The following SSBP3 variants were observed in gnomAD, a reference collection of about 807,000 sequenced individuals.
SSBP3 encodes the protein single-stranded DNA-binding protein 3.
SSBP3 carries 5 observed loss-of-function variants against 69.6 expected under a neutral mutation model. That is an observed-to-expected ratio of 0.07 (90% CI 0.04 to 0.15). The LOEUF (loss-of-function observed/expected upper bound fraction) is 0.15, where lower values mean the gene tolerates loss of function less well. Among genes scored for constraint, SSBP3 ranks in the 10% least tolerant of loss-of-function variants. SSBP3 has a pLI of 1.00. For synonymous variants in SSBP3, 196 were observed against 193.4 expected (o/e 1.01, Z -0.11); for missense variants, 312 against 534.0 (o/e 0.58, Z 4.10).
At chr1:54,283,272 TAA>T (rs60875737) in intron 4 of SSBP3, among the ~76,000 whole-genome samples, 1,557 of 126,506 alleles carry the variant, frequency 0.012, 12 homozygotes, top group African/African-American at 0.025. Flanking sequence ...CCCCATCTCA[TAA>T]AAAAAAAAAA....
At chr1:54,272,940 A>G (rs960518975) in intron 5 of SSBP3, among the ~76,000 whole-genome samples, 2 of 152,208 alleles carry the variant, frequency 1.3e-5, no homozygotes, top group African/African-American at 4.8e-5. Flanking sequence ...GCAAGAACAG[A>G]GCCCAGGCCT....
chr1:54,245,804 G>GGAA (rs1230687443), intron 9 of SSBP3, among the ~76,000 whole-genome samples: 1 of 152,248 alleles, frequency 6.6e-6, no homozygotes, highest in Non-Finnish European at 1.5e-5. Flanking sequence ...TCAGAACACA[G>GGAA]GAAGGCTGGC....
At chr1:54,331,306 T>A (rs60315669) in intron 4 of SSBP3, among the ~76,000 whole-genome samples, 36 of 152,226 alleles carry the variant, frequency 2.4e-4, no homozygotes, top group African/African-American at 8.7e-4. Flanking sequence ...TGCTACAGTC[T>A]CGGATATCCT....
intron 1 of SSBP3, among the ~76,000 whole-genome samples, chr1:54,411,555 G>A (rs1258220834): frequency 2.6e-5 from 4 of 151,906 alleles, no homozygotes; most frequent in African/African-American, 7.2e-5. Flanking sequence ...TTGGGAGTCC[G>A]CGGCGGGAGG....
chr1:54,410,327 T>C (rs989885137), upstream of SSBP3, among the ~76,000 whole-genome samples: 2 of 152,130 alleles, frequency 1.3e-5, no homozygotes, highest in African/African-American at 4.8e-5. Context: ...GGTCCAGGCC[T>C]CCAGAAGGAG....
intron 6 of SSBP3, 182 bp from the exon 7 acceptor site, chr1:54,257,368 C>T: frequency 1.8e-6 from 1 of 547,454 alleles, no homozygotes; most frequent in Non-Finnish European, 3.2e-6. Context: ...AATAGATCCA[C>T]ACAACAAATG....
intron 4 of SSBP3, among the ~76,000 whole-genome samples, chr1:54,355,247 T>C (rs898632135): frequency 1.2e-4 from 18 of 152,266 alleles, no homozygotes; most frequent in Admixed American, 1.0e-3. Context: ...ATGAGGCTAC[T>C]GTGCTCAACT....
chr1:54,375,765 T>A (rs1195094546), intron 4 of SSBP3, among the ~76,000 whole-genome samples: 1 of 152,198 alleles, frequency 6.6e-6, no homozygotes, highest in Non-Finnish European at 1.5e-5. Context: ...AGAGCCTTCC[T>A]CTGGACTGGA....
intron 4 of SSBP3, among the ~76,000 whole-genome samples, chr1:54,361,416 C>T (rs889835874): frequency 6.6e-6 from 1 of 152,036 alleles, no homozygotes; most frequent in Non-Finnish European, 1.5e-5. Context: ...AATGGGGAAA[C>T]GTGGAAAACC....
chr1:54,247,896 A>G (rs1644761176), intron 9 of SSBP3, among the ~76,000 whole-genome samples: 2 of 152,228 alleles, frequency 1.3e-5, no homozygotes, highest in Non-Finnish European at 2.9e-5. Flanking sequence ...TAGAAAGAAG[A>G]GTTCTAAGTG....
intron 4 of SSBP3, among the ~76,000 whole-genome samples, chr1:54,293,257 C>T (rs2149614): frequency 0.54 from 82,238 of 151,782 alleles, 22,614 homozygotes; most frequent in East Asian, 0.85. Context: ...ACACACACAT[C>T]GCTTAGGATC....
At chr1:54,398,002 G>GT (rs1405732200) in intron 4 of SSBP3, among the ~76,000 whole-genome samples, 1 of 152,120 alleles carries the variant, frequency 6.6e-6, no homozygotes, top group African/African-American at 2.4e-5. Context: ...AGCATACCCG[G>GT]TGCCAGGTAT....
At chr1:54,239,248 A>C (rs375752123) in intron 13 of SSBP3, 49 bp from the exon 14 acceptor site, 5 of 1,472,628 alleles carry the variant, frequency 3.4e-6, no homozygotes, top group Non-Finnish European at 4.6e-6. Flanking sequence ...TTCGTTTCTT[A>C]ATTAAAACAA....
intron 4 of SSBP3, among the ~76,000 whole-genome samples, chr1:54,293,001 A>G (rs1256558797): frequency 6.6e-6 from 1 of 152,024 alleles, no homozygotes; most frequent in African/African-American, 2.4e-5. Context: ...CAAAAGTAAT[A>G]CAGAGGGGAT....
intron 4 of SSBP3, among the ~76,000 whole-genome samples, chr1:54,306,977 G>A (rs562996728): frequency 6.6e-6 from 1 of 152,122 alleles, no homozygotes; most frequent in African/African-American, 2.4e-5. Context: ...TCAACCTTGA[G>A]ATTCTAAAGG....
intron 4 of SSBP3, among the ~76,000 whole-genome samples, chr1:54,390,638 T>G: frequency 6.6e-6 from 1 of 152,262 alleles, no homozygotes. Context: ...TCCCCGATGC[T>G]GAAATGCTCT....
chr1:54,349,348 CCA>C (rs768246708), intron 4 of SSBP3, among the ~76,000 whole-genome samples: 5 of 152,166 alleles, frequency 3.3e-5, no homozygotes, highest in Non-Finnish European at 5.9e-5. Context: ...CAGTAGGCAC[CCA>C]AATGTTTGTT....
At chr1:54,309,860 C>T (rs1014503003) in intron 4 of SSBP3, among the ~76,000 whole-genome samples, 6 of 152,172 alleles carry the variant, frequency 3.9e-5, no homozygotes, top group African/African-American at 1.2e-4. Context: ...AGGTCACACT[C>T]GACAAGGCGC....
At chr1:54,294,142 CA>C (rs1223376233) in intron 4 of SSBP3, among the ~76,000 whole-genome samples, 15 of 41,550 alleles carry the variant, frequency 3.6e-4, no homozygotes, top group African/African-American at 7.2e-4. Flanking sequence ...GACTCCATCT[CA>C]AAAAAAAAAA....
Sources: allele counts gnomAD v4.1 joint callset (sites outside exome capture counted in the v4.1 genomes callset), GRCh38; gene constraint gnomAD v4.1.1; transcripts MANE v1.5; gene names NCBI Gene and HGNC (gene_info 2026-07-23, HGNC 2026-07-21).